SLC9C1: variants seen among roughly 807,000 people sequenced by gnomAD.
SLC9C1 encodes solute carrier family 9 member C1.
Under a neutral mutation model 140.9 loss-of-function variants are expected in SLC9C1, and 97 were observed. The ratio of observed to expected loss-of-function variants is 0.69; its 90% CI spans 0.58 to 0.82. The LOEUF (loss-of-function observed/expected upper bound fraction) is 0.82. Ranked by LOEUF, SLC9C1 falls within the 40% of genes least tolerant of loss-of-function variation. The pLI is 0.00. For synonymous variants in SLC9C1, 440 were observed against 442.6 expected, an observed-to-expected ratio of 0.99 and a Z score of 0.07; for missense variants, 1,340 against 1,389.3, an observed-to-expected ratio of 0.96 and a Z score of 0.56.
chr3:112,217,608 TAA>T (rs773422488), intron 14 of SLC9C1, 47 bp from the exon 15 acceptor site: 296 of 1,514,704 alleles, frequency 2.0e-4, no homozygotes, highest in Non-Finnish European at 2.5e-4. Context: ...CATTTTGAGA[TAA>T]GTTTAATGTT....
chr3:112,218,069 T>C (rs929017950), intron 14 of SLC9C1, among the ~76,000 whole-genome samples: 1 of 152,110 alleles, frequency 6.6e-6, no homozygotes, highest in Non-Finnish European at 1.5e-5. Flanking sequence ...AGGTTTAGAA[T>C]GACTAAAAAT....
intron 8 of SLC9C1, among the ~76,000 whole-genome samples, chr3:112,264,936 G>T (rs1320490361): frequency 6.6e-6 from 1 of 151,980 alleles, no homozygotes; most frequent in East Asian, 1.9e-4. Context: ...GGAGTAGAAG[G>T]ATTAACTGTA....
chr3:112,252,366 C>A (rs915045216), intron 10 of SLC9C1, among the ~76,000 whole-genome samples: 5 of 151,538 alleles, frequency 3.3e-5, no homozygotes, highest in Admixed American at 2.6e-4. Flanking sequence ...TGGTCAGCAG[C>A]AGTTTCCAAC....
chr3:112,184,732 C>G (rs534468546), intron 20 of SLC9C1, among the ~76,000 whole-genome samples: 4 of 152,336 alleles, frequency 2.6e-5, no homozygotes, highest in Admixed American at 2.6e-4. Flanking sequence ...GTCCACTAAC[C>G]ACAAGCATGG....
At chr3:112,189,423 G>T (rs956406405) in intron 20 of SLC9C1, among the ~76,000 whole-genome samples, 48 of 152,302 alleles carry the variant, frequency 3.2e-4, no homozygotes, top group African/African-American at 1.1e-3. Context: ...GTAAGGAAGG[G>T]ATCCAGTTTC....
chr3:112,161,969 G>C (rs184818478), intron 26 of SLC9C1, among the ~76,000 whole-genome samples: 1 of 151,820 alleles, frequency 6.6e-6, no homozygotes, highest in Non-Finnish European at 1.5e-5. Context: ...GTAGTTCTCC[G>C]TGAAGAGGTC....
At chr3:112,283,767 A>G (rs978922496) in intron 2 of SLC9C1, among the ~76,000 whole-genome samples, 2 of 146,718 alleles carry the variant, frequency 1.4e-5, no homozygotes, top group African/African-American at 5.0e-5. Flanking sequence ...CAATGTGGTT[A>G]ATATTTCCAT....
chr3:112,189,746 G>A (rs2077613577), intron 20 of SLC9C1, among the ~76,000 whole-genome samples: 1 of 152,318 alleles, frequency 6.6e-6, no homozygotes, highest in South Asian at 2.1e-4. Flanking sequence ...GGACTTTAAA[G>A]TAATTTTTTC....
chr3:112,165,407 A>G (rs1467454878), intron 26 of SLC9C1, among the ~76,000 whole-genome samples: 1 of 151,738 alleles, frequency 6.6e-6, no homozygotes, highest in Non-Finnish European at 1.5e-5. Context: ...GGTTTTATCT[A>G]CCTTTGGTCT....
chr3:112,155,338 G>A (rs2075099773), intron 26 of SLC9C1, among the ~76,000 whole-genome samples: 1 of 152,066 alleles, frequency 6.6e-6, no homozygotes, highest in Admixed American at 6.6e-5. Flanking sequence ...ATGTATTGAG[G>A]GCCAGGCATG....
intron 20 of SLC9C1, among the ~76,000 whole-genome samples, chr3:112,196,150 T>G (rs1012740676): frequency 6.6e-6 from 1 of 152,004 alleles, no homozygotes; most frequent in Non-Finnish European, 1.5e-5. Context: ...ACATTTGAAG[T>G]ACAATTTTTC....
At chr3:112,254,864 C>T (rs1021985225) in intron 10 of SLC9C1, among the ~76,000 whole-genome samples, 4 of 151,992 alleles carry the variant, frequency 2.6e-5, no homozygotes, top group Non-Finnish European at 5.9e-5. Context: ...TCTGCAGTGA[C>T]ACTCATAGGC....
chr3:112,211,405 A>G (rs2078199897), intron 15 of SLC9C1, among the ~76,000 whole-genome samples: 1 of 152,238 alleles, frequency 6.6e-6, no homozygotes, highest in Non-Finnish European at 1.5e-5. Context: ...AAGCAGGGCA[A>G]GGCATCGCCT....
At chr3:112,255,114 A>G (rs1052978079) in intron 10 of SLC9C1, among the ~76,000 whole-genome samples, 3 of 152,192 alleles carry the variant, frequency 2.0e-5, no homozygotes, top group African/African-American at 7.2e-5. Context: ...AAAGAGACTT[A>G]TACTCCCACA....
At chr3:112,236,718 T>C (rs1406336250) in intron 12 of SLC9C1, among the ~76,000 whole-genome samples, 2 of 152,202 alleles carry the variant, frequency 1.3e-5, no homozygotes, top group African/African-American at 2.4e-5. Flanking sequence ...GCCTTCATTT[T>C]GTTATGTACC....
Position 112,286,887 on chromosome 3 carries a change from CAT to C in SLC9C1, c.-87-11_-87-10del, listed in dbSNP as rs2080524242. 1 of 738,952 alleles carries C rather than the reference CAT, an allele frequency of 1.4e-6. No individual in the cohort carries two copies. Among genetic ancestry groups the C allele is most frequent in the African/African-American group, 1.8e-5 (1 of 54,334 alleles). The allele number at this position is 738,952 out of a possible 1,614,324, so 45.8% of individuals were successfully genotyped here. A position where few individuals can be genotyped will look rare whatever the true frequency, so the allele number is the denominator to read the frequency against. On this transcript the variant is annotated splice_polypyrimidine_tract_variant and intron_variant, in intron 1 of 28. Transcript: ENST00000305815. Reference sequence around the variant, plus strand: ...TCACAGTCCATCTGAATCTAAGAAACATAAGATTTGCCTTCTTGGTGGCCTTC... The same window carrying C: ...TCACAGTCCATCTGAATCTAAGAAACAAGATTTGCCTTCTTGGTGGCCTTC...
chr3:112,275,783 T>A (rs2080196455), intron 5 of SLC9C1, among the ~76,000 whole-genome samples: 1 of 152,184 alleles, frequency 6.6e-6, no homozygotes, highest in Non-Finnish European at 1.5e-5. Context: ...AGGCTGTTCC[T>A]GTGTGGCTCA....
Position 112,217,579 on chromosome 3 carries a change from T to C in SLC9C1, c.1671-18A>G. 6.4e-7 allele frequency: 1 copy of C among 1,556,120 alleles called. No homozygotes were observed. The highest frequency in any genetic ancestry group is 8.7e-7 in the Non-Finnish European group (1 of 1,154,662). On this transcript the variant is annotated intron_variant, in intron 14 of 28. Transcript: ENST00000305815. Reference sequence around the variant, plus strand: ...TCATACATCTAGAAAAAGAGAGAAATCTTTAAACATGCTTTAAACATTTTG... The same window carrying C: ...TCATACATCTAGAAAAAGAGAGAAACCTTTAAACATGCTTTAAACATTTTG...
intron 10 of SLC9C1, among the ~76,000 whole-genome samples, chr3:112,260,573 G>A (rs1378321317): frequency 6.6e-6 from 1 of 152,046 alleles, no homozygotes; most frequent in East Asian, 1.9e-4. Context: ...AAGAGTTTCT[G>A]AGTTTTGTGT....
Sources: allele counts gnomAD v4.1 joint callset (sites outside exome capture counted in the v4.1 genomes callset), GRCh38; gene constraint gnomAD v4.1.1; transcripts MANE v1.5; gene names NCBI Gene and HGNC (gene_info 2026-07-23, HGNC 2026-07-21).